CACNA1D: variants seen among roughly 807,000 people sequenced by gnomAD.
CACNA1D encodes the protein voltage-dependent L-type calcium channel subunit alpha-1D.
Under a neutral mutation model 257.1 loss-of-function variants are expected in CACNA1D, and 55 were observed. That is an observed-to-expected ratio of 0.21 (90% confidence interval 0.17 to 0.27). The LOEUF is 0.27. CACNA1D is among the 10% of genes least tolerant of loss of function. CACNA1D has a pLI of 1.00. For missense variants in CACNA1D, 1,876 were observed against 2,784.0 expected, an observed-to-expected ratio of 0.67 and a Z score of 7.34; for synonymous variants, 980 against 1,014.9, an observed-to-expected ratio of 0.97 and a Z score of 0.65.
chr3:53,658,898 G>A (rs2094175010), intron 4 of CACNA1D, among the ~76,000 whole-genome samples: 1 of 152,054 alleles, frequency 6.6e-6, no homozygotes, highest in African/African-American at 2.4e-5. Context: ...AAAACAAAGG[G>A]CTGATCTATA....
At chr3:53,650,972 T>G in intron 4 of CACNA1D, 54 bp downstream of exon 4, 3 of 1,444,032 alleles carry the variant, frequency 2.1e-6, no homozygotes, top group South Asian at 1.1e-5. Context: ...GAGGTGGAGG[T>G]TGGGGGGGGT....
intron 3 of CACNA1D, among the ~76,000 whole-genome samples, chr3:53,593,609 T>G (rs1044522031): frequency 2.6e-5 from 4 of 152,046 alleles, no homozygotes; most frequent in African/African-American, 9.7e-5. Flanking sequence ...ATTGTAAAAT[T>G]ATCAGGAAAT....
intron 3 of CACNA1D, among the ~76,000 whole-genome samples, chr3:53,576,125 C>T (rs2107716822): frequency 6.6e-6 from 1 of 152,252 alleles, no homozygotes; most frequent in Admixed American, 6.5e-5. Context: ...GTCTTGGCCT[C>T]AGATAAGACA....
chr3:53,723,957 C>T lies in CACNA1D; in HGVS notation c.2058C>T (p.Ser686=), dbSNP rs1188331423. 2 of 1,614,174 alleles carry T rather than the reference C, an allele frequency of 1.2e-6. No homozygotes were observed. Among genetic ancestry groups the T allele is most frequent in the Non-Finnish European group, 1.7e-6 (2 of 1,180,022 alleles). ...FNFDETQTKR[S]TFDNFPQALL... The stretch of plus-strand genomic sequence containing the variant: ...TTGATGAAACGCAAACCAAGCGGAG[C>T]ACCTTTGACAATTTCCCTCAAGCAC... Residue 686 remains serine, a synonymous_variant, in exon 14 of 48, where the codon AGC becomes AGT. Coordinates refer to ENST00000350061, the MANE Select transcript of CACNA1D (RefSeq NM_001128840.3). This position sits in a 1 kb window ranked among gnomAD's most constrained non-coding sequence, Gnocchi z 5.6.
intron 3 of CACNA1D, among the ~76,000 whole-genome samples, chr3:53,590,563 CT>C (rs772013116): frequency 1.3e-4 from 20 of 152,334 alleles, no homozygotes; most frequent in Middle Eastern, 3.4e-3. Context: ...GCTCAGAAAG[CT>C]TTTATCAGCA....
At position 53,810,216 on chromosome 3, in the gene CACNA1D, C is replaced by T. The variant is rs2095589510; in HGVS notation, c.6110C>T (p.Thr2037Ile). 8 of 1,614,004 alleles carry T rather than the reference C, an allele frequency of 5.0e-6. No homozygotes were observed. Among genetic ancestry groups the T allele is most frequent in the Non-Finnish European group, 6.8e-6 (8 of 1,180,040 alleles). The change falls in exon 47 of 48, where the codon ACA becomes ATA. Residue 2037 changes from threonine to isoleucine, a missense_variant. By Grantham distance (89) the Thr-to-Ile change is moderately conservative. This residue lies in a region of CACNA1D where 491 missense variants were observed against 554.3 expected (regional missense o/e 0.89). Coordinates refer to ENST00000350061, the MANE Select transcript of CACNA1D (RefSeq NM_001128840.3). ...DEPDISYRTF[T>I]PASLTVPSSF... ...CCCGACATCTCCTACCGGACTTTCACACCAGCCAGCCTGACTGTCCCCAGC... is the reference window on the plus strand; with the variant it reads ...CCCGACATCTCCTACCGGACTTTCATACCAGCCAGCCTGACTGTCCCCAGC...
At chr3:53,690,710 A>G (rs1202230708) in intron 8 of CACNA1D, among the ~76,000 whole-genome samples, 1 of 152,174 alleles carries the variant, frequency 6.6e-6, no homozygotes, top group Non-Finnish European at 1.5e-5. Context: ...GGGATATGCC[A>G]GTAGGGGGTT....
At chr3:53,682,142 G>T (rs1389903127) in intron 8 of CACNA1D, among the ~76,000 whole-genome samples, 1 of 152,044 alleles carries the variant, frequency 6.6e-6, no homozygotes, top group Non-Finnish European at 1.5e-5. Flanking sequence ...TAAAAATTAT[G>T]CTGTATTCTC....
chr3:53,740,479 G>GT (rs2095105559), intron 21 of CACNA1D, 140 bp downstream of exon 21: 3 of 717,334 alleles, frequency 4.2e-6, no homozygotes, highest in African/African-American at 1.7e-5. Flanking sequence ...CATTTTAAAG[G>GT]TAACAGGTTA....
intron 3 of CACNA1D, among the ~76,000 whole-genome samples, chr3:53,519,149 G>T (rs1042352412): frequency 2.0e-5 from 3 of 152,170 alleles, no homozygotes; most frequent in African/African-American, 7.2e-5. Flanking sequence ...CTGGGGTTCT[G>T]CATAGTGATG....
chr3:53,499,027 C>G (rs2090469392), intron 2 of CACNA1D, among the ~76,000 whole-genome samples: 1 of 152,184 alleles, frequency 6.6e-6, no homozygotes, highest in South Asian at 2.1e-4. Context: ...CCAGGAAGAC[C>G]TCAGACTGGC....
chr3:53,711,394 C>T (rs2094753665), intron 9 of CACNA1D, among the ~76,000 whole-genome samples: 1 of 152,160 alleles, frequency 6.6e-6, no homozygotes, highest in African/African-American at 2.4e-5. Context: ...CCTCAGAATC[C>T]CTGGAGTAGC....
At chr3:53,533,842 G>A (rs1264360714) in intron 3 of CACNA1D, among the ~76,000 whole-genome samples, 11 of 152,168 alleles carry the variant, frequency 7.2e-5, no homozygotes, top group Admixed American at 6.5e-4. Context: ...CACTTATTTG[G>A]CATTTCCTTC....
At chr3:53,784,410 C>A (rs1006472140) in intron 39 of CACNA1D, among the ~76,000 whole-genome samples, 22 of 152,310 alleles carry the variant, frequency 1.4e-4, no homozygotes, top group African/African-American at 4.3e-4. Flanking sequence ...CTCTTCCTTC[C>A]TGTTCTGTCC....
chr3:53,498,979 A>T (rs979063787), intron 2 of CACNA1D, among the ~76,000 whole-genome samples: 4 of 152,190 alleles, frequency 2.6e-5, no homozygotes, highest in African/African-American at 9.7e-5. Flanking sequence ...CATGTGGCCC[A>T]GTGGCATTGC....
intron 3 of CACNA1D, among the ~76,000 whole-genome samples, chr3:53,510,769 G>C (rs975702688): frequency 2.6e-5 from 4 of 152,236 alleles, no homozygotes; most frequent in South Asian, 4.1e-4. Flanking sequence ...TGGGGGTTGG[G>C]TCTGGCCTCT....
chr3:53,810,184 A>G lies in CACNA1D; in HGVS notation c.6078A>G (p.Thr2026=). 1 of 1,614,004 alleles carries G rather than the reference A, an allele frequency of 6.2e-7. No homozygotes were observed. The highest frequency in any genetic ancestry group is 1.1e-5 in the South Asian group (1 of 91,084). ...CCCTGCACCGCAGCTCCTGGTACAC[A>G]GACGAGCCCGACATCTCCTACCGGA... The part of the protein sequence containing the change: ...LPSLHRSSWY[T]DEPDISYRTF... Residue 2026 remains threonine, a synonymous_variant, in exon 47 of 48, where the codon ACA becomes ACG. Coordinates refer to ENST00000350061, the MANE Select transcript of CACNA1D (RefSeq NM_001128840.3).
chr3:53,727,104 G>A (rs2094942827), intron 15 of CACNA1D, 105 bp downstream of exon 15: 2 of 1,374,186 alleles, frequency 1.5e-6, no homozygotes, highest in Non-Finnish European at 2.1e-6. Context: ...AGTTGTGGCA[G>A]GGAGGTAAAT....
intron 3 of CACNA1D, among the ~76,000 whole-genome samples, chr3:53,556,958 A>T (rs1182837889): frequency 6.6e-6 from 1 of 151,968 alleles, no homozygotes; most frequent in Non-Finnish European, 1.5e-5. Context: ...TTAAGTGATC[A>T]GCTCACCTTG....
Sources: allele counts gnomAD v4.1 joint callset (sites outside exome capture counted in the v4.1 genomes callset), GRCh38; gene constraint gnomAD v4.1.1; regional missense constraint gnomAD v4.1.1; non-coding constraint Gnocchi (gnomAD v3.1); transcripts MANE v1.5; gene names NCBI Gene and HGNC (gene_info 2026-07-23, HGNC 2026-07-21).